The following USO1 variants were observed in gnomAD, a reference collection of about 807,000 sequenced individuals.
USO1 encodes USO1 vesicle transport factor.
Under a neutral mutation model 124.5 loss-of-function variants are expected in USO1, and 57 were observed. The observed-to-expected ratio is 0.46, with a 90% CI of 0.37 to 0.57. The LOEUF (loss-of-function observed/expected upper bound fraction) is 0.57, where lower values mean the gene tolerates loss of function less well. USO1 is among the 20% of genes least tolerant of loss of function. The pLI, the probability that USO1 is intolerant of heterozygous loss-of-function variation, is 0.00. For synonymous variants in USO1, 369 were observed against 362.8 expected (o/e 1.02, Z -0.19); for missense variants, 900 against 1,040.6 (o/e 0.86, Z 1.86).
At chr4:75,806,405 TTA>T in intron 19 of USO1, 79 bp from the exon 20 acceptor site, 1 of 1,496,366 alleles carries the variant, frequency 6.7e-7, no homozygotes, top group South Asian at 1.3e-5. Context: ...ATGATATAGT[TTA>T]TATGTGTACA....
intron 13 of USO1, among the ~76,000 whole-genome samples, chr4:75,798,377 T>A (rs970949049): frequency 3.3e-5 from 5 of 152,190 alleles, no homozygotes; most frequent in Non-Finnish European, 7.3e-5. Flanking sequence ...AACATTTGCA[T>A]TTGTAACTCG....
intron 1 of USO1, chr4:75,729,927 A>T: frequency 2.4e-6 from 1 of 412,702 alleles, no homozygotes; most frequent in South Asian, 1.8e-5. Context: ...TTAAATTTAG[A>T]CATAGTTTTC....
At chr4:75,766,101 A>G (rs1721762024) in intron 4 of USO1, among the ~76,000 whole-genome samples, 1 of 152,164 alleles carries the variant, frequency 6.6e-6, no homozygotes. Context: ...AATACAGTGA[A>G]TTTACTTTTA....
intron 8 of USO1, among the ~76,000 whole-genome samples, chr4:75,782,306 G>A (rs990529579): frequency 1.3e-5 from 2 of 152,250 alleles, no homozygotes; most frequent in Admixed American, 6.5e-5. Flanking sequence ...TTATAATCTA[G>A]TGGAGAAGAC....
At chr4:75,783,527 A>C (rs2149176235) in intron 9 of USO1, among the ~76,000 whole-genome samples, 1 of 152,188 alleles carries the variant, frequency 6.6e-6, no homozygotes, top group South Asian at 2.1e-4. Context: ...CCTTCTCCAA[A>C]CTGTTAAGTT....
At chr4:75,736,431 C>T (rs142378276) in intron 1 of USO1, among the ~76,000 whole-genome samples, 1,538 of 151,032 alleles carry the variant, frequency 0.01, 29 homozygotes, top group African/African-American at 0.036. Flanking sequence ...AATTCTCTGC[C>T]TCCACCTCCC....
chr4:75,788,348 A>G (rs1722428944), intron 10 of USO1, among the ~76,000 whole-genome samples: 1 of 147,706 alleles, frequency 6.8e-6, no homozygotes, highest in Non-Finnish European at 1.5e-5. Flanking sequence ...TTGTAATTTT[A>G]GTAGAGACAG....
chr4:75,731,784 A>G (rs1720639879), intron 1 of USO1, among the ~76,000 whole-genome samples: 1 of 152,050 alleles, frequency 6.6e-6, no homozygotes, highest in African/African-American at 2.4e-5. Context: ...TGATTGATTG[A>G]TTAGAGTTAG....
chr4:75,805,674 C>CTCAT (rs1469085771), intron 19 of USO1, among the ~76,000 whole-genome samples: 1 of 151,326 alleles, frequency 6.6e-6, no homozygotes, highest in South Asian at 2.1e-4. Context: ...CCCACTTCAC[C>CTCAT]TCATTGCCTG....
chr4:75,801,263 G>C, intron 17 of USO1, 63 bp downstream of exon 17: 1 of 1,455,174 alleles, frequency 6.9e-7, no homozygotes, highest in African/African-American at 1.4e-5. Flanking sequence ...CTTTAAGGGA[G>C]CCTTTTTTTC....
intron 1 of USO1, among the ~76,000 whole-genome samples, chr4:75,737,887 G>A (rs1312868447): frequency 6.6e-6 from 1 of 151,798 alleles, no homozygotes; most frequent in Non-Finnish European, 1.5e-5. Context: ...GAGTGTAGTG[G>A]CGTGATCTCG....
At chr4:75,760,819 C>CAT (rs1451744559) in intron 4 of USO1, among the ~76,000 whole-genome samples, 1 of 152,190 alleles carries the variant, frequency 6.6e-6, no homozygotes, top group East Asian at 1.9e-4. Context: ...GTCCAGAACA[C>CAT]ATAAAATATT....
At chr4:75,729,018 G>A (rs574069068) in intron 1 of USO1, among the ~76,000 whole-genome samples, 2 of 152,048 alleles carry the variant, frequency 1.3e-5, no homozygotes, top group Non-Finnish European at 2.9e-5. Flanking sequence ...GGATGGTCTC[G>A]ATCTCCTGAC....
In USO1 at chr4:75,804,224, C is replaced by T. The variant is rs753599660; in HGVS notation, c.2077C>T (p.Gln693Ter). The T allele has an allele frequency of 1.2e-6, 2 of 1,613,576 alleles. No individual in the cohort carries two copies. Among genetic ancestry groups the T allele is most frequent in the Admixed American group, 1.7e-5 (1 of 59,968 alleles). ...GACGGCAGTCACACAGCAAGTATCA[C>T]AGATCCAGCAGCACAAAGACCAGTA... ...LQTAVTQQVS[Q>*]IQQHKDQYNL... is the part of the protein sequence containing the mutation. Residue 693 changes from glutamine to a stop codon, truncating the protein, a stop_gained, in exon 18 of 24, where the codon CAG (glutamine) becomes TAG (stop). Coordinates refer to ENST00000514213, the MANE Select transcript of USO1 (RefSeq NM_003715.4). LOFTEE classifies it high-confidence loss of function.
intron 23 of USO1, 68 bp downstream of exon 23, chr4:75,812,443 A>T: frequency 6.6e-7 from 1 of 1,505,774 alleles, no homozygotes; most frequent in Non-Finnish European, 8.8e-7. Flanking sequence ...AAAGATTTTT[A>T]ATGTAACATG....
intron 7 of USO1, among the ~76,000 whole-genome samples, chr4:75,774,141 GC>G (rs1722008583): frequency 6.6e-6 from 1 of 152,206 alleles, no homozygotes; most frequent in Non-Finnish European, 1.5e-5. Flanking sequence ...TGTTGGACAT[GC>G]CATTCACGAA....
At position 75,800,680 on chromosome 4, in the gene USO1, G is replaced by C. The variant is rs754615578; in HGVS notation, c.1745G>C (p.Gly582Ala). Residue 582 changes from glycine to alanine, a missense_variant, in exon 16 of 24, where the codon GGA becomes GCA. Gly to Ala is a moderately conservative substitution (Grantham distance 60). Transcript: ENST00000514213. ...IGKENFIEKL[G>A]FISKHELYSR... ...AAAGAGAATTTCATAGAGAAACTAG[G>C]ATTTATTAGCAAACATGAGTTGTAT... 6.3e-7 allele frequency: 1 copy of C among 1,598,860 alleles called. No homozygotes were observed. Among genetic ancestry groups the C allele is most frequent in the Non-Finnish European group, 8.5e-7 (1 of 1,175,904 alleles).
Position 75,803,381 on chromosome 4 carries a change from C to T in USO1, c.1987-753C>T, listed in dbSNP as rs1577973070. ...ATAAAATTCTGGCCGGGCACGGTGG[C>T]TCACGCCTGTAATCCCAGCACTTTG... is the stretch of plus-strand genomic sequence containing the variant. On this transcript the variant is annotated intron_variant, in intron 17 of 23. Coordinates refer to ENST00000514213, the MANE Select transcript of USO1 (RefSeq NM_003715.4). Among the ~76,000 whole-genome samples the T allele has an allele frequency of 2.6e-5, 4 of 152,098 alleles. 1 individual carries two copies. The highest frequency in any genetic ancestry group is 2.6e-4 in the Admixed American group (4 of 15,284).
intron 8 of USO1, among the ~76,000 whole-genome samples, chr4:75,776,147 C>T (rs1722067961): frequency 2.0e-5 from 3 of 152,086 alleles, no homozygotes; most frequent in Admixed American, 2.0e-4. Context: ...GCCATATAGC[C>T]AAGCCTCAAG....
Sources: gnomAD v4.1 joint callset for allele counts (sites outside exome capture counted in the v4.1 genomes callset) on GRCh38, gnomAD v4.1.1 for gene constraint, MANE v1.5 for transcripts, NCBI Gene and HGNC (gene_info 2026-07-23, HGNC 2026-07-21) for gene names.